Variants in RHBDF2 observed in about 807,000 individuals in gnomAD.
RHBDF2 encodes the protein rhomboid 5 homolog 2.
Under a neutral mutation model 95.2 loss-of-function variants are expected in RHBDF2, and 38 were observed. The observed-to-expected ratio is 0.40, with a 90% CI of 0.31 to 0.52. The LOEUF is 0.52. RHBDF2 is among the 20% of genes least tolerant of loss of function. The pLI, the probability that RHBDF2 is intolerant of heterozygous loss-of-function variation, is 0.56. For missense variants in RHBDF2, 863 were observed against 1,137.7 expected (o/e 0.76, Z 3.47); for synonymous variants, 442 against 462.0 (o/e 0.96, Z 0.55).
At chr17:76,483,523 G>A (rs1395660691) in intron 2 of RHBDF2, among the ~76,000 whole-genome samples, 3 of 152,116 alleles carry the variant, frequency 2.0e-5, no homozygotes, top group African/African-American at 7.2e-5. Context: ...GACCTCAGGT[G>A]ATCCACCTGC....
chr17:76,491,128 G>C (rs913188911), intron 1 of RHBDF2, among the ~76,000 whole-genome samples: 1 of 152,100 alleles, frequency 6.6e-6, no homozygotes, highest in East Asian at 1.9e-4. Flanking sequence ...TGCTGGCTCC[G>C]TACCCACAGC....
At chr17:76,489,119 C>T (rs2074228305) in intron 1 of RHBDF2, among the ~76,000 whole-genome samples, 1 of 151,986 alleles carries the variant, frequency 6.6e-6, no homozygotes, top group Admixed American at 6.6e-5. Flanking sequence ...GAGCAAGACT[C>T]CGTCTCGAAA....
Position 76,473,086 on chromosome 17 carries a change from A to T in RHBDF2, c.1829T>A (p.Val610Glu). Residue 610 changes from valine to glutamate, a missense_variant, in exon 17 of 19, where the codon GTG (valine) becomes GAG (glutamate). Val to Glu is a moderately radical substitution (Grantham distance 121). This residue lies in a region of RHBDF2 where 252 missense variants were observed against 412.2 expected (regional missense o/e 0.61). Transcript: ENST00000675367. The stretch of plus-strand genomic sequence containing the variant: ...GTTGAGGAAGGGCAGCAGCCCACAC[A>T]CCTTGTCCAAGCAGTGCACCTGGGA... ...LCSQVHCLDKVCGLLPFLNPE... is the reference protein window; with the variant it reads ...LCSQVHCLDKECGLLPFLNPE... 2 of 1,613,972 alleles carry T rather than the reference A, an allele frequency of 1.2e-6. No individual in the cohort carries two copies. Among genetic ancestry groups the T allele is most frequent in the Non-Finnish European group, 1.7e-6 (2 of 1,179,900 alleles).
At chr17:76,482,174 A>G (rs1030215593) in intron 2 of RHBDF2, among the ~76,000 whole-genome samples, 5 of 151,944 alleles carry the variant, frequency 3.3e-5, no homozygotes, top group African/African-American at 1.2e-4. Flanking sequence ...TCTCCGCTTG[A>G]GGCAAGAACC....
intron 2 of RHBDF2, among the ~76,000 whole-genome samples, chr17:76,484,114 T>C (rs2074052722): frequency 6.6e-6 from 1 of 151,884 alleles, no homozygotes; most frequent in African/African-American, 2.4e-5. Context: ...ATACAAAAAA[T>C]TAGCTGGGTG....
Position 76,471,194 on chromosome 17 carries a change from T to C in RHBDF2, c.*439A>G, listed in dbSNP as rs2073545983. ...GTAGGAGGAGAAAGAGGAAGGGGCA[T>C]GGTGGGCACCCAGCCCTGGGGGCAA... is the stretch of plus-strand genomic sequence containing the variant. On this transcript the variant is annotated 3_prime_UTR_variant, in exon 19 of 19. Coordinates refer to ENST00000675367, the MANE Select transcript of RHBDF2 (RefSeq NM_001005498.4). 5.7e-6 allele frequency: 1 copy of C among 174,924 alleles called. No homozygotes were observed. Among genetic ancestry groups the C allele is most frequent in the African/African-American group, 2.4e-5 (1 of 42,018 alleles). The allele number at this position is 174,924 out of a possible 1,614,324, so 10.8% of individuals were successfully genotyped here. A position where few individuals can be genotyped will look rare whatever the true frequency, so the allele number is the denominator to read the frequency against.
At chr17:76,495,866 C>T (rs927215844) in intron 1 of RHBDF2, among the ~76,000 whole-genome samples, 1 of 152,148 alleles carries the variant, frequency 6.6e-6, no homozygotes, top group African/African-American at 2.4e-5. Context: ...CCCTGGGGCT[C>T]CCTGCTTCCC....
intron 11 of RHBDF2, 56 bp from the exon 12 acceptor site, chr17:76,474,590 G>T (rs1365157455): frequency 1.2e-6 from 2 of 1,610,518 alleles, no homozygotes; most frequent in African/African-American, 2.7e-5. Flanking sequence ...CCTGGGAGGG[G>T]TCCATCACTC....
intron 3 of RHBDF2, 127 bp from the exon 4 acceptor site, chr17:76,479,981 C>T (rs948246585): frequency 3.8e-6 from 5 of 1,303,180 alleles, no homozygotes; most frequent in Non-Finnish European, 5.1e-6. Context: ...CCCCAATTTG[C>T]TTTCATTTGG....
At chr17:76,478,103 C>T (rs1314061327) in intron 6 of RHBDF2, among the ~76,000 whole-genome samples, 1 of 152,220 alleles carries the variant, frequency 6.6e-6, no homozygotes, top group Non-Finnish European at 1.5e-5. Context: ...ACATTCTATA[C>T]CCTCACTCCC....
intron 17 of RHBDF2, 62 bp downstream of exon 17, chr17:76,472,943 C>T: frequency 6.2e-7 from 1 of 1,601,810 alleles, no homozygotes; most frequent in Non-Finnish European, 8.5e-7. Flanking sequence ...AACCTTTCCC[C>T]AGGGGTCCGG....
chr17:76,501,234 G>GCAC (rs1361913111), intron 1 of RHBDF2, 119 bp downstream of exon 1: 4 of 152,242 alleles, frequency 2.6e-5, no homozygotes, highest in African/African-American at 9.7e-5. Context: ...CGGGCACTGG[G>GCAC]CACCCTTCCT....
chr17:76,477,548 G>A (rs1385827807), intron 7 of RHBDF2, 109 bp downstream of exon 7: 6 of 1,271,228 alleles, frequency 4.7e-6, no homozygotes, highest in South Asian at 1.3e-5. Context: ...TCCCAGCAGT[G>A]GGCCTCTGGG....
At chr17:76,497,360 G>A (rs942120422) in intron 1 of RHBDF2, among the ~76,000 whole-genome samples, 10 of 152,184 alleles carry the variant, frequency 6.6e-5, no homozygotes, top group African/African-American at 2.4e-4. Context: ...AAACCCCTGG[G>A]CAGAGGTCAG....
chr17:76,498,715 C>G (rs2074492562), intron 1 of RHBDF2, among the ~76,000 whole-genome samples: 1 of 152,080 alleles, frequency 6.6e-6, no homozygotes, highest in Non-Finnish European at 1.5e-5. Flanking sequence ...GTGCGTCACC[C>G]AAAGCATTTG....
intron 2 of RHBDF2, among the ~76,000 whole-genome samples, chr17:76,485,411 CAAAA>C (rs35202087): frequency 1.6e-5 from 1 of 62,772 alleles, no homozygotes; most frequent in South Asian, 6.3e-4. Flanking sequence ...AACTCTGTCT[CAAAA>C]AAAAAAAAAA....
At chr17:76,496,636 G>A (rs1292431485) in intron 1 of RHBDF2, among the ~76,000 whole-genome samples, 1 of 152,260 alleles carries the variant, frequency 6.6e-6, no homozygotes, top group African/African-American at 2.4e-5. Flanking sequence ...GGCTAAGGGT[G>A]AGAGGCGGCT....
At chr17:76,472,254 C>T in intron 18 of RHBDF2, 1 of 613,018 alleles carries the variant, frequency 1.6e-6, no homozygotes, top group South Asian at 2.0e-5. Context: ...TGAGCGCCTA[C>T]TGTGTACGTG....
intron 2 of RHBDF2, among the ~76,000 whole-genome samples, chr17:76,486,584 C>T (rs1359491785): frequency 6.6e-6 from 1 of 151,908 alleles, no homozygotes; most frequent in African/African-American, 2.4e-5. Context: ...TATGGTGGTG[C>T]GTGCATATAG....
Sources: gnomAD v4.1 joint callset for allele counts (sites outside exome capture counted in the v4.1 genomes callset) on GRCh38, gnomAD v4.1.1 for gene constraint, gnomAD v4.1.1 regional missense constraint, MANE v1.5 for transcripts, NCBI Gene and HGNC (gene_info 2026-07-23, HGNC 2026-07-21) for gene names.